ATG7: variants seen among roughly 807,000 people sequenced by gnomAD.
ATG7 encodes the protein ubiquitin-like modifier-activating enzyme ATG7.
ATG7 carries 70 observed loss-of-function variants against 82.4 expected under a neutral mutation model. The observed-to-expected ratio is 0.85, with a 90% CI of 0.70 to 1.04. The LOEUF is 1.04. Ranked by LOEUF, ATG7 falls within the 50% of genes least tolerant of loss-of-function variation. The pLI is 0.00. For missense variants in ATG7, 792 were observed against 864.3 expected (o/e 0.92, Z 1.05); for synonymous variants, 287 against 313.0 (o/e 0.92, Z 0.88).
chr3:11,313,472 T>A, intron 8 of ATG7, 52 bp downstream of exon 8: 1 of 1,292,088 alleles, frequency 7.7e-7, no homozygotes, highest in Non-Finnish European at 1.1e-6. Flanking sequence ...TGTGCAAGAG[T>A]AGTTATGTAG....
intron 20 of ATG7, among the ~76,000 whole-genome samples, chr3:11,545,237 G>A (rs2071176314): frequency 6.6e-6 from 1 of 152,208 alleles, no homozygotes; most frequent in Non-Finnish European, 1.5e-5. Flanking sequence ...CTCCCTCTGT[G>A]CAAGGGGAAG....
intron 18 of ATG7, among the ~76,000 whole-genome samples, chr3:11,368,729 C>A (rs1160322983): frequency 8.5e-6 from 1 of 117,040 alleles, no homozygotes; most frequent in African/African-American, 3.2e-5. Flanking sequence ...GAGAGGGAGT[C>A]CCTGTCTCAA....
At chr3:11,519,539 G>GTTTTTGTTT (rs2092377331) in intron 20 of ATG7, among the ~76,000 whole-genome samples, 1 of 62,210 alleles carries the variant, frequency 1.6e-5, no homozygotes, top group Non-Finnish European at 3.3e-5. Flanking sequence ...AGTGAGAGGA[G>GTTTTTGTTT]TTTTTTTTTT....
At chr3:11,504,084 G>A (rs1449410002) in intron 20 of ATG7, among the ~76,000 whole-genome samples, 1 of 152,170 alleles carries the variant, frequency 6.6e-6, no homozygotes, top group Non-Finnish European at 1.5e-5. Context: ...AACAGTAGAT[G>A]AGACTAGACC....
chr3:11,406,983 G>A (rs2080404767), intron 19 of ATG7, among the ~76,000 whole-genome samples: 1 of 152,164 alleles, frequency 6.6e-6, no homozygotes, highest in Non-Finnish European at 1.5e-5. Context: ...AACCAATCAT[G>A]TCTTCCCAAC....
At chr3:11,329,227 G>T (rs1034952734) in intron 9 of ATG7, among the ~76,000 whole-genome samples, 1 of 152,184 alleles carries the variant, frequency 6.6e-6, no homozygotes, top group African/African-American at 2.4e-5. Context: ...GATGTTAATA[G>T]TTCTCTCAGG....
At chr3:11,304,881 C>T (rs1947461168) in intron 5 of ATG7, among the ~76,000 whole-genome samples, 1 of 152,126 alleles carries the variant, frequency 6.6e-6, no homozygotes, top group South Asian at 2.1e-4. Flanking sequence ...AAATTCACCC[C>T]TTAGTTTAAA....
At position 11,555,110 on chromosome 3, in the gene ATG7, C is replaced by A; in HGVS notation, c.*267C>A. On this transcript the variant is annotated 3_prime_UTR_variant, in exon 21 of 21. Transcript: ENST00000693202. ...TTGGTCCTCCATGCAGTTTTTATTT[C>A]TTGTCACAGTGACTGATAGCCATCC... The A allele has an allele frequency of 2.0e-6, 1 of 488,528 alleles. No individual in the cohort carries two copies. Among genetic ancestry groups the A allele is most frequent in the Non-Finnish European group, 3.6e-6 (1 of 277,224 alleles). The allele number at this position is 488,528 out of a possible 1,614,324, so 30.3% of individuals were successfully genotyped here. A position where few individuals can be genotyped will look rare whatever the true frequency, so the allele number is the denominator to read the frequency against.
At chr3:11,510,264 G>A (rs1332292824) in intron 20 of ATG7, 1 of 456,516 alleles carries the variant, frequency 2.2e-6, no homozygotes, top group Non-Finnish European at 4.4e-6. Context: ...TCGGCTGCCT[G>A]TCCTGAAATA....
At chr3:11,514,506 C>T (rs774002011) in intron 20 of ATG7, among the ~76,000 whole-genome samples, 54 of 152,176 alleles carry the variant, frequency 3.5e-4, no homozygotes, top group Non-Finnish European at 4.3e-4. Flanking sequence ...CAGGAAATAC[C>T]GCCCAGTCTT....
chr3:11,328,509 GA>G (rs938802301), intron 9 of ATG7, among the ~76,000 whole-genome samples: 1 of 151,532 alleles, frequency 6.6e-6, no homozygotes, highest in Non-Finnish European at 1.5e-5. Context: ...CATGCATTTA[GA>G]AAAAAAATGC....
chr3:11,478,884 T>C (rs765363517), intron 20 of ATG7, among the ~76,000 whole-genome samples: 1 of 152,122 alleles, frequency 6.6e-6, no homozygotes, highest in Non-Finnish European at 1.5e-5. Flanking sequence ...TAAGTATTTA[T>C]GTATATAATT....
intron 20 of ATG7, among the ~76,000 whole-genome samples, chr3:11,471,155 T>C (rs912524776): frequency 1.3e-5 from 2 of 152,114 alleles, no homozygotes; most frequent in Admixed American, 6.5e-5. Context: ...TATGAATATG[T>C]TACTCAGGGA....
At chr3:11,338,550 C>T (rs934159814) in intron 11 of ATG7, among the ~76,000 whole-genome samples, 1 of 152,100 alleles carries the variant, frequency 6.6e-6, no homozygotes, top group East Asian at 1.9e-4. Flanking sequence ...TATGGTGGCT[C>T]ATGCCTGTAA....
At chr3:11,561,795 CACCT>C (rs1390808888), downstream of ATG7, among the ~76,000 whole-genome samples, 2 of 152,264 alleles carry the variant, frequency 1.3e-5, no homozygotes, top group Admixed American at 1.3e-4. Context: ...CTGTCCCACC[CACCT>C]GTGACTGTCC....
intron 20 of ATG7, chr3:11,488,537 C>T (rs921879645): frequency 3.7e-5 from 41 of 1,101,558 alleles, no homozygotes; most frequent in African/African-American, 1.8e-4. Context: ...TGCCCCGGGC[C>T]GCAGCGCAGC....
rs575987244 is a variant in ATG7 at position 11,453,757 on chromosome 3, A to G, written c.2079+26831A>G. Among the ~76,000 whole-genome samples, 6 of 152,190 alleles carry G rather than the reference A, an allele frequency of 3.9e-5. 1 individual carries two copies. The highest frequency in any genetic ancestry group is 1.4e-4 in the African/African-American group (6 of 41,526). On this transcript the variant is annotated intron_variant, in intron 20 of 20. Coordinates refer to ENST00000693202, the MANE Select transcript of ATG7 (RefSeq NM_001349232.2). ...GGTGGGCCATCCTGCGTCTGCCTGCATCCACACATGTAGGACTTCTAAGGC... is the reference window on the plus strand; with the variant it reads ...GGTGGGCCATCCTGCGTCTGCCTGCGTCCACACATGTAGGACTTCTAAGGC...
chr3:11,322,033 A>G (rs1017928438), intron 9 of ATG7, among the ~76,000 whole-genome samples: 1 of 152,184 alleles, frequency 6.6e-6, no homozygotes, highest in African/African-American at 2.4e-5. Context: ...AAGTTTTACC[A>G]GTTCACTGAT....
chr3:11,381,246 C>G (rs2077877137), intron 19 of ATG7, among the ~76,000 whole-genome samples: 1 of 152,190 alleles, frequency 6.6e-6, no homozygotes, highest in East Asian at 1.9e-4. Flanking sequence ...GCATGCACCC[C>G]CATCTTCAGA....
Sources: gnomAD v4.1 joint callset for allele counts (sites outside exome capture counted in the v4.1 genomes callset) on GRCh38, gnomAD v4.1.1 for gene constraint, MANE v1.5 for transcripts, NCBI Gene and HGNC (gene_info 2026-07-23, HGNC 2026-07-21) for gene names.